KIAA1328: variants seen among roughly 807,000 people sequenced by gnomAD.
The protein encoded by KIAA1328 is KIAA1328, also known as protein hinderin.
In KIAA1328, 52 loss-of-function variants were observed where a neutral mutation model predicts 68.1. That is an observed-to-expected ratio of 0.76 (90% CI 0.61 to 0.96). The LOEUF (loss-of-function observed/expected upper bound fraction) is 0.96. Ranked by LOEUF, KIAA1328 falls within the 40% of genes least tolerant of loss-of-function variation. KIAA1328 has a pLI of 0.00. For missense variants in KIAA1328, 641 were observed against 677.6 expected (o/e 0.95, Z 0.60); for synonymous variants, 232 against 239.4 (o/e 0.97, Z 0.28).
intron 5 of KIAA1328, among the ~76,000 whole-genome samples, chr18:36,912,791 A>G (rs1200983127): frequency 6.6e-6 from 1 of 152,194 alleles, no homozygotes; most frequent in East Asian, 1.9e-4. Context: ...CATGGGTGAG[A>G]GTCTGAGAAT....
At chr18:36,830,131 C>T (rs2150743643) in intron 1 of KIAA1328, among the ~76,000 whole-genome samples, 1 of 152,272 alleles carries the variant, frequency 6.6e-6, no homozygotes, top group South Asian at 2.1e-4. Context: ...TTACCTTTGG[C>T]AGAATCACTG....
intron 4 of KIAA1328, among the ~76,000 whole-genome samples, chr18:36,866,378 G>C (rs138461315): frequency 1.6e-3 from 248 of 152,168 alleles, no homozygotes; most frequent in Non-Finnish European, 2.8e-3. Context: ...CTTCTGTACA[G>C]ATGCTCTCTT....
chr18:37,127,908 A>G (rs2058431505), intron 7 of KIAA1328, among the ~76,000 whole-genome samples: 2 of 152,190 alleles, frequency 1.3e-5, no homozygotes, highest in African/African-American at 4.8e-5. Flanking sequence ...AAATAGGCCC[A>G]CATATATATG....
chr18:36,973,977 C>T (rs2052358870), intron 6 of KIAA1328, among the ~76,000 whole-genome samples: 1 of 152,018 alleles, frequency 6.6e-6, no homozygotes, highest in Non-Finnish European at 1.5e-5. Context: ...AGTATTTAAA[C>T]TGATAATGTG....
intron 6 of KIAA1328, among the ~76,000 whole-genome samples, chr18:37,026,341 G>T (rs2054579389): frequency 6.6e-6 from 1 of 152,056 alleles, no homozygotes; most frequent in Non-Finnish European, 1.5e-5. Context: ...CCAATCAATA[G>T]AAAAAGAAGG....
rs565833294 is a variant in KIAA1328 at position 37,024,222 on chromosome 18, G to C, written c.577-42668G>C. 7.9e-5 allele frequency among the ~76,000 whole-genome samples: 12 copies of C among 151,996 alleles called. 1 individual carries two copies. In the East Asian group the frequency reaches 2.3e-3, roughly 29 times the overall value. On this transcript the variant is annotated intron_variant, in intron 6 of 9. Coordinates refer to ENST00000280020, the MANE Select transcript of KIAA1328 (RefSeq NM_020776.3). Reference sequence around the variant, plus strand: ...TTGATCGGGCTGGTCCTGAACGAATGAACTCTTGGGTCAGGCAGTCTTCCT... The same window carrying C: ...TTGATCGGGCTGGTCCTGAACGAATCAACTCTTGGGTCAGGCAGTCTTCCT...
intron 6 of KIAA1328, among the ~76,000 whole-genome samples, chr18:37,004,658 A>G (rs2053712419): frequency 6.6e-6 from 1 of 152,150 alleles, no homozygotes; most frequent in Non-Finnish European, 1.5e-5. Flanking sequence ...GTAGGAATGT[A>G]AAGTAGTACA....
At chr18:36,906,338 C>T (rs989071476) in intron 5 of KIAA1328, among the ~76,000 whole-genome samples, 2 of 152,144 alleles carry the variant, frequency 1.3e-5, no homozygotes, top group Admixed American at 6.5e-5. Context: ...CTATGCTTCA[C>T]CTATTTAACT....
intron 6 of KIAA1328, among the ~76,000 whole-genome samples, chr18:37,046,049 G>C (rs577849482): frequency 6.6e-6 from 1 of 152,260 alleles, no homozygotes; most frequent in Non-Finnish European, 1.5e-5. Context: ...GTTGAAACAG[G>C]TCCACCTTTT....
chr18:36,850,164 AGTG>A (rs964823795), intron 4 of KIAA1328, among the ~76,000 whole-genome samples: 1 of 151,896 alleles, frequency 6.6e-6, no homozygotes, highest in Non-Finnish European at 1.5e-5. Flanking sequence ...TCACTTTCTC[AGTG>A]GTATTCTTTG....
At chr18:37,106,895 C>T (rs574097936) in intron 7 of KIAA1328, among the ~76,000 whole-genome samples, 2 of 152,280 alleles carry the variant, frequency 1.3e-5, no homozygotes, top group South Asian at 4.2e-4. Context: ...CCCCTTTTCT[C>T]CTCAAGATTT....
intron 5 of KIAA1328, among the ~76,000 whole-genome samples, chr18:36,910,178 C>A (rs77838434): frequency 0.9 from 136,456 of 152,022 alleles, 63,124 homozygotes; most frequent in East Asian, 1. Context: ...TTGGTGTTTT[C>A]GACATGAAGT....
At chr18:36,937,971 A>C (rs2050568037) in intron 5 of KIAA1328, among the ~76,000 whole-genome samples, 2 of 152,018 alleles carry the variant, frequency 1.3e-5, no homozygotes, top group Non-Finnish European at 2.9e-5. Flanking sequence ...TCAATATTCC[A>C]TTCTGTATAG....
chr18:36,829,173 C>T lies in KIAA1328; in HGVS notation c.35C>T (p.Ala12Val), dbSNP rs2046357227. The T allele has an allele frequency of 6.5e-7, 1 of 1,532,838 alleles. No homozygotes were observed. Among genetic ancestry groups the T allele is most frequent in the African/African-American group, 1.4e-5 (1 of 71,298 alleles). 95.0% of individuals were successfully genotyped at this position (1,532,838 alleles called of 1,614,324 possible). A position where few individuals can be genotyped will look rare whatever the true frequency, so the allele number is the denominator to read the frequency against. ...ADVAGPSRPS[A>V]AAFWSRDFSD... is the part of the protein sequence containing the mutation. The stretch of plus-strand genomic sequence containing the variant: ...GTGGCGGGCCCCTCCCGCCCCAGTG[C>T]CGCGGCGTTCTGGAGCCGGGACTGT... The change falls in exon 1 of 10, where the codon GCC becomes GTC. Residue 12 changes from alanine to valine, a missense_variant. Coordinates refer to ENST00000280020, the MANE Select transcript of KIAA1328 (RefSeq NM_020776.3).
At chr18:37,073,226 T>C (rs1421669047) in intron 7 of KIAA1328, among the ~76,000 whole-genome samples, 1 of 152,206 alleles carries the variant, frequency 6.6e-6, no homozygotes, top group South Asian at 2.1e-4. Context: ...AGTGAACAGG[T>C]AACCCACACA....
chr18:37,017,071 G>A (rs1177993338), intron 6 of KIAA1328, among the ~76,000 whole-genome samples: 3 of 151,976 alleles, frequency 2.0e-5, no homozygotes, highest in African/African-American at 7.2e-5. Flanking sequence ...TCATTAATTT[G>A]AGATCTTCCT....
chr18:36,847,639 A>G (rs1297228279), intron 4 of KIAA1328, among the ~76,000 whole-genome samples: 2 of 151,420 alleles, frequency 1.3e-5, no homozygotes, highest in Non-Finnish European at 3.0e-5. Flanking sequence ...AGTTCTTTAT[A>G]TATTCTGTAT....
intron 6 of KIAA1328, among the ~76,000 whole-genome samples, chr18:36,964,284 G>T (rs971986019): frequency 1.3e-5 from 2 of 152,112 alleles, no homozygotes; most frequent in South Asian, 2.1e-4. Flanking sequence ...TTCTTTCCTT[G>T]CAAGGAGCCA....
intron 9 of KIAA1328, among the ~76,000 whole-genome samples, chr18:37,212,106 A>C (rs912969088): frequency 1.3e-5 from 2 of 152,248 alleles, no homozygotes; most frequent in African/African-American, 4.8e-5. Flanking sequence ...CATATGTGTC[A>C]AAGGAAAGTT....
Sources: gnomAD v4.1 joint callset for allele counts (sites outside exome capture counted in the v4.1 genomes callset) on GRCh38, gnomAD v4.1.1 for gene constraint, MANE v1.5 for transcripts, NCBI Gene and HGNC (gene_info 2026-07-23, HGNC 2026-07-21) for gene names.